The following SCFD2 variants were observed in gnomAD, a reference collection of about 807,000 sequenced individuals.
SCFD2 encodes sec1 family domain-containing protein 2.
Under a neutral mutation model 58.9 loss-of-function variants are expected in SCFD2, and 54 were observed. The ratio of observed to expected loss-of-function variants is 0.92; its 90% confidence interval spans 0.74 to 1.15. SCFD2 has a LOEUF of 1.15. SCFD2 is among the 50% of genes most tolerant of loss of function. SCFD2 has a pLI of 0.00. For missense variants in SCFD2, 805 were observed against 836.6 expected (o/e 0.96, Z 0.47); for synonymous variants, 321 against 335.9 (o/e 0.96, Z 0.49).
At chr4:52,988,195 A>C (rs993774556) in intron 5 of SCFD2, among the ~76,000 whole-genome samples, 1 of 152,230 alleles carries the variant, frequency 6.6e-6, no homozygotes, top group Admixed American at 6.5e-5. Context: ...GGGAGAGAGA[A>C]AATGCGTTAA....
intron 3 of SCFD2, among the ~76,000 whole-genome samples, chr4:53,303,046 G>T (rs79166697): frequency 0.25 from 38,270 of 152,060 alleles, 5,274 homozygotes; most frequent in Non-Finnish European, 0.32. Context: ...CATGGGCAAG[G>T]ACTTCATGTC....
At chr4:53,095,634 G>A (rs1457404230) in intron 5 of SCFD2, among the ~76,000 whole-genome samples, 1 of 152,006 alleles carries the variant, frequency 6.6e-6, no homozygotes, top group Non-Finnish European at 1.5e-5. Flanking sequence ...CACTCCAACA[G>A]CTCTACATTT....
At chr4:53,329,566 A>T (rs925695662) in intron 2 of SCFD2, among the ~76,000 whole-genome samples, 14 of 151,514 alleles carry the variant, frequency 9.2e-5, no homozygotes, top group Non-Finnish European at 1.8e-4. Flanking sequence ...AACAAACAGA[A>T]AGGACATCCA....
At chr4:53,065,099 A>C (rs1166664411) in intron 5 of SCFD2, among the ~76,000 whole-genome samples, 1 of 152,138 alleles carries the variant, frequency 6.6e-6, no homozygotes, top group Non-Finnish European at 1.5e-5. Context: ...GACAGGAAAG[A>C]ACTCCAGTCA....
At chr4:53,247,996 T>C (rs1303426205) in intron 4 of SCFD2, among the ~76,000 whole-genome samples, 3 of 152,134 alleles carry the variant, frequency 2.0e-5, no homozygotes. Flanking sequence ...GATTTCTGCA[T>C]TTCCATCTGA....
chr4:53,133,188 C>T (rs1560350215), intron 5 of SCFD2, among the ~76,000 whole-genome samples: 1 of 151,860 alleles, frequency 6.6e-6, no homozygotes, highest in East Asian at 1.9e-4. Context: ...ATTAGCCGGG[C>T]GTGGTGGCGG....
At chr4:53,200,834 A>G (rs1483237024) in intron 4 of SCFD2, among the ~76,000 whole-genome samples, 2 of 152,052 alleles carry the variant, frequency 1.3e-5, no homozygotes, top group African/African-American at 4.8e-5. Context: ...CATGCATTCA[A>G]TGGATTCAGT....
chr4:52,914,205 T>C (rs547691101), intron 6 of SCFD2, among the ~76,000 whole-genome samples: 3 of 152,328 alleles, frequency 2.0e-5, no homozygotes, highest in African/African-American at 7.2e-5. Flanking sequence ...TGACCGCTGG[T>C]TGGTAAACTG....
At chr4:53,219,877 C>A (rs1408722293) in intron 4 of SCFD2, among the ~76,000 whole-genome samples, 1 of 152,172 alleles carries the variant, frequency 6.6e-6, no homozygotes, top group Non-Finnish European at 1.5e-5. Flanking sequence ...ACTACTACCA[C>A]CACCATGACT....
intron 3 of SCFD2, among the ~76,000 whole-genome samples, chr4:53,276,420 G>A (rs1731329250): frequency 6.6e-6 from 1 of 151,974 alleles, no homozygotes; most frequent in African/African-American, 2.4e-5. Context: ...AAACTTCTTG[G>A]TACTGACCCA....
chr4:53,274,433 A>T (rs1731268480), intron 3 of SCFD2, among the ~76,000 whole-genome samples: 1 of 152,204 alleles, frequency 6.6e-6, no homozygotes. Flanking sequence ...GAAGATGAGA[A>T]ATAGATTATT....
chr4:53,216,205 T>A (rs373851530), intron 4 of SCFD2, among the ~76,000 whole-genome samples: 76 of 152,262 alleles, frequency 5.0e-4, no homozygotes, highest in Admixed American at 2.7e-3. Context: ...TGATTGGAAT[T>A]GTTTCAGAAG....
intron 7 of SCFD2, among the ~76,000 whole-genome samples, chr4:52,894,010 C>T (rs1294135426): frequency 6.6e-6 from 1 of 152,134 alleles, no homozygotes; most frequent in Admixed American, 6.5e-5. Context: ...TTTTAACTTA[C>T]CCCCTCACCA....
intron 5 of SCFD2, among the ~76,000 whole-genome samples, chr4:52,925,480 G>T (rs1719842696): frequency 6.6e-6 from 1 of 151,948 alleles, no homozygotes; most frequent in Non-Finnish European, 1.5e-5. Flanking sequence ...CTCTAGGTTA[G>T]ATGCTAACAG....
intron 5 of SCFD2, among the ~76,000 whole-genome samples, chr4:53,053,878 A>G (rs1723252000): frequency 6.6e-6 from 1 of 152,226 alleles, no homozygotes; most frequent in Non-Finnish European, 1.5e-5. Flanking sequence ...GATAATTTTT[A>G]AAGATCAAAT....
chr4:52,999,552 C>T (rs1298566068), intron 5 of SCFD2, among the ~76,000 whole-genome samples: 1 of 152,156 alleles, frequency 6.6e-6, no homozygotes, highest in East Asian at 1.9e-4. Context: ...TACGATATTT[C>T]ACATTCAACT....
intron 2 of SCFD2, among the ~76,000 whole-genome samples, chr4:53,316,526 G>T (rs1370768921): frequency 6.6e-6 from 1 of 152,164 alleles, no homozygotes; most frequent in East Asian, 1.9e-4. Flanking sequence ...GGTGGTGGTT[G>T]TAGTTGTTAC....
At chr4:53,214,255 A>G (rs556781219) in intron 4 of SCFD2, among the ~76,000 whole-genome samples, 1 of 152,254 alleles carries the variant, frequency 6.6e-6, no homozygotes, top group South Asian at 2.1e-4. Flanking sequence ...TGGTTGAACT[A>G]GTTTACAATC....
chr4:53,150,157 C>A (rs965955962), intron 4 of SCFD2, among the ~76,000 whole-genome samples: 7 of 151,900 alleles, frequency 4.6e-5, no homozygotes, highest in African/African-American at 1.5e-4. Flanking sequence ...ACATCTAAAG[C>A]TATTCTAAAA....
Sources: allele counts gnomAD v4.1 joint callset (sites outside exome capture counted in the v4.1 genomes callset), GRCh38; gene constraint gnomAD v4.1.1; transcripts MANE v1.5; gene names NCBI Gene and HGNC (gene_info 2026-07-23, HGNC 2026-07-21).